RAPGEF6: variants seen among roughly 807,000 people sequenced by gnomAD.
RAPGEF6 encodes the protein PDZ domain containing guanine nucleotide exchange factor (GEF) 2.
In RAPGEF6, 56 loss-of-function variants were observed where a neutral mutation model predicts 171.4. That is an observed-to-expected ratio of 0.33 (90% CI 0.26 to 0.41). The LOEUF (loss-of-function observed/expected upper bound fraction) is 0.41, where lower values mean the gene tolerates loss of function less well. Ranked by LOEUF, RAPGEF6 falls within the 10% of genes least tolerant of loss-of-function variation. The probability of loss-of-function intolerance (pLI) is 1.00; values close to 1 mark genes in which losing one functional copy is unlikely to be tolerated. For synonymous variants in RAPGEF6, 692 were observed against 650.1 expected, an observed-to-expected ratio of 1.06 and a Z score of -0.98; for missense variants, 1,674 against 1,921.4, an observed-to-expected ratio of 0.87 and a Z score of 2.41.
chr5:131,594,324 C>T (rs567457483), intron 3 of RAPGEF6, among the ~76,000 whole-genome samples: 6 of 152,390 alleles, frequency 3.9e-5, no homozygotes, highest in South Asian at 2.1e-4. Context: ...CAAGCCTTGG[C>T]GGCTTCCACA....
intron 24 of RAPGEF6, among the ~76,000 whole-genome samples, chr5:131,437,798 C>A (rs1434423163): frequency 2.6e-5 from 4 of 152,156 alleles, no homozygotes; most frequent in African/African-American, 9.7e-5. Flanking sequence ...AGTAATGGAG[C>A]TATGGTGTCC....
At chr5:131,534,930 C>T (rs1759663957) in intron 6 of RAPGEF6, among the ~76,000 whole-genome samples, 1 of 152,000 alleles carries the variant, frequency 6.6e-6, no homozygotes, top group Non-Finnish European at 1.5e-5. Context: ...ACACCTTTCC[C>T]CCTTTTTATA....
rs1449648707 is a variant in RAPGEF6, at chr5:131,428,891, T to G, written c.4780+11A>C. On this transcript the variant is annotated intron_variant, in intron 27 of 27. Transcript: ENST00000509018. ...TCATTTAAGAGCCTTTAAGAGAGCT[T>G]GTCAACATACCATCTGCTTCGCTAT... 6.2e-7 allele frequency: 1 copy of G among 1,608,304 alleles called. No individual in the cohort carries two copies. Among genetic ancestry groups the G allele is most frequent in the Non-Finnish European group, 8.5e-7 (1 of 1,175,462 alleles).
At chr5:131,462,160 CGTT>C in intron 18 of RAPGEF6, 72 bp from the exon 19 acceptor site, 1 of 1,171,666 alleles carries the variant, frequency 8.5e-7, no homozygotes, top group Non-Finnish European at 1.1e-6. Flanking sequence ...TCCTTTTTGT[CGTT>C]GTAAAATATC....
At chr5:131,551,123 T>C (rs1760895221) in intron 5 of RAPGEF6, among the ~76,000 whole-genome samples, 1 of 152,228 alleles carries the variant, frequency 6.6e-6, no homozygotes, top group South Asian at 2.1e-4. Context: ...CACAAGGCCA[T>C]ATACCAGAAA....
chr5:131,579,838 A>G lies in RAPGEF6; in HGVS notation c.281+12545T>C, dbSNP rs564729817. Among the ~76,000 whole-genome samples the G allele has an allele frequency of 1.7e-3, 259 of 152,318 alleles. 1 individual carries two copies. Among genetic ancestry groups the G allele is most frequent in the Middle Eastern group, 3.4e-3 (1 of 294 alleles). On this transcript the variant is annotated intron_variant, in intron 4 of 27. Coordinates refer to ENST00000509018, the MANE Select transcript of RAPGEF6 (RefSeq NM_016340.6). ...TCTCCACGTCCCCACTAGATTAGCTAGATACAGAGTGCTGATTGGCGCATA... is the reference window on the plus strand; with the variant it reads ...TCTCCACGTCCCCACTAGATTAGCTGGATACAGAGTGCTGATTGGCGCATA...
intron 20 of RAPGEF6, among the ~76,000 whole-genome samples, chr5:131,455,052 AAGG>A (rs1261171399): frequency 6.6e-6 from 1 of 152,252 alleles, no homozygotes; most frequent in Non-Finnish European, 1.5e-5. Context: ...ACCTGCACTT[AAGG>A]AGAATACTAA....
intron 5 of RAPGEF6, among the ~76,000 whole-genome samples, chr5:131,552,521 C>G (rs189909642): frequency 1.8e-4 from 27 of 149,458 alleles, no homozygotes; most frequent in African/African-American, 6.4e-4. Context: ...AGTGCAATGG[C>G]GCAATCTTGG....
At chr5:131,564,532 C>T (rs141687371) in intron 4 of RAPGEF6, among the ~76,000 whole-genome samples, 8 of 152,142 alleles carry the variant, frequency 5.3e-5, no homozygotes, top group African/African-American at 1.9e-4. Context: ...TACGTTAGAA[C>T]AAAACCCAAT....
rs112631239 is a variant in RAPGEF6 at position 131,484,521 on chromosome 5, T to C, written c.1841-4768A>G. ...TGAGCCACTGTGCCTGGCCAAGACA[T>C]TCTTATACACTGATGAATGAAGCAT... is the stretch of plus-strand genomic sequence containing the variant. On this transcript the variant is annotated intron_variant, in intron 15 of 27. Coordinates refer to ENST00000509018, the MANE Select transcript of RAPGEF6 (RefSeq NM_016340.6). Among the ~76,000 whole-genome samples the C allele has an allele frequency of 1.8e-3, 268 of 152,250 alleles. 1 individual carries two copies. Among genetic ancestry groups the C allele is most frequent in the African/African-American group, 5.8e-3 (241 of 41,552 alleles).
intron 14 of RAPGEF6, among the ~76,000 whole-genome samples, chr5:131,492,013 G>A (rs558094644): frequency 8.7e-4 from 132 of 152,220 alleles, no homozygotes; most frequent in African/African-American, 3.1e-3. Context: ...ATTTGGAATA[G>A]GCTGCTCTAT....
At chr5:131,518,342 T>C (rs1468060593) in intron 7 of RAPGEF6, among the ~76,000 whole-genome samples, 2 of 152,072 alleles carry the variant, frequency 1.3e-5, no homozygotes, top group Non-Finnish European at 1.5e-5. Flanking sequence ...TTGGCGTTTA[T>C]GCTGTTTCTA....
chr5:131,564,728 CAAT>C (rs1045514399), intron 4 of RAPGEF6, among the ~76,000 whole-genome samples: 5 of 152,058 alleles, frequency 3.3e-5, no homozygotes, highest in Admixed American at 2.6e-4. Flanking sequence ...CAACAGACAA[CAAT>C]ATTATAATAG....
intron 17 of RAPGEF6, chr5:131,469,728 G>C: frequency 3.5e-6 from 4 of 1,146,342 alleles, no homozygotes; most frequent in Non-Finnish European, 4.8e-6. Context: ...CTGTATCATT[G>C]GACTTTTAAA....
chr5:131,559,121 G>T (rs539509290), intron 5 of RAPGEF6, among the ~76,000 whole-genome samples: 1 of 152,232 alleles, frequency 6.6e-6, no homozygotes, highest in Admixed American at 6.5e-5. Flanking sequence ...CTCAGGTCAG[G>T]AGTTCAAAAC....
chr5:131,566,961 G>T (rs1186498375), intron 4 of RAPGEF6, among the ~76,000 whole-genome samples: 2 of 151,738 alleles, frequency 1.3e-5, no homozygotes, highest in African/African-American at 4.8e-5. Context: ...GGGCGTGGTG[G>T]TATGCACCTG....
intron 7 of RAPGEF6, among the ~76,000 whole-genome samples, chr5:131,515,590 T>A (rs151258028): frequency 6.6e-6 from 1 of 152,310 alleles, no homozygotes; most frequent in African/African-American, 2.4e-5. Flanking sequence ...ATGAAAAATG[T>A]CAAGTTTACA....
At chr5:131,502,277 T>C (rs920518711) in intron 11 of RAPGEF6, among the ~76,000 whole-genome samples, 1 of 152,178 alleles carries the variant, frequency 6.6e-6, no homozygotes, top group Non-Finnish European at 1.5e-5. Flanking sequence ...ACAAGAATAG[T>C]AATGGAAGTA....
intron 5 of RAPGEF6, among the ~76,000 whole-genome samples, chr5:131,553,915 T>C (rs750132547): frequency 2.0e-5 from 3 of 149,106 alleles, no homozygotes; most frequent in Non-Finnish European, 3.0e-5. Flanking sequence ...AGAGGAAAGG[T>C]TGAAAAAAAA....
Sources: allele counts gnomAD v4.1 joint callset (sites outside exome capture counted in the v4.1 genomes callset), GRCh38; gene constraint gnomAD v4.1.1; transcripts MANE v1.5; gene names NCBI Gene and HGNC (gene_info 2026-07-23, HGNC 2026-07-21).